The following YBEY variants were observed in gnomAD, a reference collection of about 807,000 sequenced individuals.
YBEY encodes the protein endoribonuclease YbeY.
YBEY carries 15 observed loss-of-function variants against 13.5 expected under a neutral mutation model. That is an observed-to-expected ratio of 1.11 (90% CI 0.75 to 1.72). YBEY has a LOEUF of 1.72. YBEY is among the 40% of genes most tolerant of loss of function. The pLI, the probability that YBEY is intolerant of heterozygous loss-of-function variation, is 0.00. For synonymous variants in YBEY, 101 were observed against 83.1 expected (o/e 1.21, Z -1.17); for missense variants, 244 against 208.4 (o/e 1.17, Z -1.05).
intron 4 of YBEY, among the ~76,000 whole-genome samples, chr21:46,296,867 G>A (rs1225008776): frequency 6.6e-6 from 1 of 152,054 alleles, no homozygotes; most frequent in Non-Finnish European, 1.5e-5. Context: ...GGTGGTGCAT[G>A]CCTGTAATCC....
chr21:46,306,678 C>T, the YBEY span, among the ~76,000 whole-genome samples: 1 of 152,148 alleles, frequency 6.6e-6, no homozygotes, highest in African/African-American at 2.4e-5. Context: ...GCCTCCACCT[C>T]CTGGGTTCAA....
the YBEY span, among the ~76,000 whole-genome samples, chr21:46,308,492 G>C: frequency 6.6e-6 from 1 of 152,092 alleles, no homozygotes; most frequent in Non-Finnish European, 1.5e-5. Context: ...ATATGATTCA[G>C]ACATTTCACT....
chr21:46,300,204 G>A (rs2082069947), downstream of YBEY: 3 of 152,634 alleles, frequency 2.0e-5, no homozygotes, highest in Admixed American at 6.5e-5. Context: ...GGCCGAGGCA[G>A]GTGGATCACG....
intron 2 of YBEY, among the ~76,000 whole-genome samples, chr21:46,289,081 A>G (rs987452000): frequency 2.0e-5 from 3 of 152,240 alleles, no homozygotes; most frequent in African/African-American, 7.2e-5. Flanking sequence ...CTAAATATCC[A>G]GCCATAGGTG....
chr21:46,302,399 A>T, downstream of YBEY: 6 of 1,174,312 alleles, frequency 5.1e-6, no homozygotes, highest in Non-Finnish European at 7.4e-6. Context: ...GCCCTTTCAG[A>T]GCTACACAGA....
chr21:46,287,391 G>A (rs1329878076), intron 2 of YBEY, among the ~76,000 whole-genome samples: 4 of 147,942 alleles, frequency 2.7e-5, no homozygotes, highest in South Asian at 2.2e-4. Flanking sequence ...TAGTAGAGAC[G>A]GGGGTTTTAC....
chr21:46,300,603 A>G, downstream of YBEY: 21 of 1,163,072 alleles, frequency 1.8e-5, no homozygotes, highest in Non-Finnish European at 2.3e-5. Context: ...TGTTACTGCC[A>G]GTAGCTGCGC....
downstream of YBEY, among the ~76,000 whole-genome samples, chr21:46,298,903 G>C (rs2145859157): frequency 6.6e-6 from 1 of 151,562 alleles, no homozygotes; most frequent in South Asian, 2.1e-4. Context: ...TTTTGTTTCT[G>C]TAGAGACAGG....
chr21:46,297,845 G>A (rs2082002518), downstream of YBEY: 4 of 1,122,786 alleles, frequency 3.6e-6, no homozygotes, highest in African/African-American at 1.6e-5. Flanking sequence ...CGTGGCCCCC[G>A]CCCGGGAGCA....
chr21:46,296,292 C>CCCTGCCAGCCCCCACCCT, intron 4 of YBEY, 62 bp downstream of exon 4: 1 of 1,586,386 alleles, frequency 6.3e-7, no homozygotes, highest in Non-Finnish European at 8.6e-7. Context: ...TCCCCCAGGC[C>CCCTGCCAGCCCCCACCCT]CCTGCCAGCC....
the YBEY span, among the ~76,000 whole-genome samples, chr21:46,308,884 C>T: frequency 2.0e-5 from 3 of 152,180 alleles, no homozygotes. Context: ...TAGCCATCAG[C>T]ACACTCAGCC....
Position 46,297,527 on chromosome 21 carries a change from C to A in YBEY, c.409-12C>A. ...TTCCCTGGGGAGGGCCAGCGCGCTT[C>A]CTTCCTTCCAGATGTTCCAGAAGGA... On this transcript the variant is annotated splice_polypyrimidine_tract_variant and intron_variant, in intron 4 of 4. Transcript: ENST00000397701. 1 of 1,371,234 alleles carries A rather than the reference C, an allele frequency of 7.3e-7. No homozygotes were observed. Among genetic ancestry groups the A allele is most frequent in the East Asian group, 3.1e-5 (1 of 32,784 alleles). The allele number at this position is 1,371,234 out of a possible 1,614,324, so 84.9% of individuals were successfully genotyped here.
the YBEY span, among the ~76,000 whole-genome samples, chr21:46,307,070 A>G: frequency 6.7e-6 from 1 of 148,320 alleles, no homozygotes; most frequent in East Asian, 2.0e-4. Context: ...TGATTTTTGT[A>G]TTTTTAGTAG....
Position 46,291,416 on chromosome 21 carries a change from T to G in YBEY, c.293T>G (p.Ile98Ser), listed in dbSNP as rs1190639333. 2 of 1,614,024 alleles carry G rather than the reference T, an allele frequency of 1.2e-6. No homozygotes were observed. Among genetic ancestry groups the G allele is most frequent in the East Asian group, 4.5e-5 (2 of 44,896 alleles). The part of the protein sequence containing the change: ...LGDIFLGVEY[I>S]FHQCKENEDY... The stretch of plus-strand genomic sequence containing the variant: ...GACATTTTCCTAGGAGTGGAGTATA[T>G]CTTCCATCAGTGTAAAGAAAATGAA... The change falls in exon 3 of 5, where the codon ATC becomes AGC. Residue 98 changes from isoleucine (I) to serine (S), a missense_variant. By Grantham distance (142) the Ile-to-Ser change is moderately radical. Coordinates refer to ENST00000397701, the MANE Select transcript of YBEY (RefSeq NM_001314025.2).
the YBEY span, among the ~76,000 whole-genome samples, chr21:46,310,467 G>A: frequency 5.4e-5 from 8 of 148,958 alleles, no homozygotes; most frequent in Non-Finnish European, 1.0e-4. Context: ...CAACAAGAGC[G>A]AGACTGTCTC....
At chr21:46,308,388 G>A in the YBEY span, among the ~76,000 whole-genome samples, 1 of 151,966 alleles carries the variant, frequency 6.6e-6, no homozygotes, top group Non-Finnish European at 1.5e-5. Context: ...TTGAACCCGG[G>A]AGGCAGAGGC....
chr21:46,297,399 C>T, intron 4 of YBEY, 140 bp from the exon 5 acceptor site: 1 of 431,996 alleles, frequency 2.3e-6, no homozygotes, highest in Non-Finnish European at 3.0e-6. Context: ...AGCCGGGTCC[C>T]GCCTTCGGCC....
chr21:46,301,880 GC>G, downstream of YBEY: 1 of 1,329,056 alleles, frequency 7.5e-7, no homozygotes, highest in East Asian at 3.0e-5. Context: ...CACTCGCGTA[GC>G]CACTCCGGGT....
intron 3 of YBEY, among the ~76,000 whole-genome samples, 189 bp from the exon 4 acceptor site, chr21:46,295,973 C>T (rs1457211574): frequency 6.6e-6 from 1 of 152,168 alleles, no homozygotes; most frequent in African/African-American, 2.4e-5. Context: ...CTCAAAGGGG[C>T]TTGCTTGCTT....
Sources: gnomAD v4.1 joint callset for allele counts (sites outside exome capture counted in the v4.1 genomes callset) on GRCh38, gnomAD v4.1.1 for gene constraint, MANE v1.5 for transcripts, NCBI Gene and HGNC (gene_info 2026-07-23, HGNC 2026-07-21) for gene names.